TMEM132B: variants seen among roughly 807,000 people sequenced by gnomAD.
The protein encoded by TMEM132B is transmembrane protein 132B.
Under a neutral mutation model 90.8 loss-of-function variants are expected in TMEM132B, and 18 were observed. The observed-to-expected ratio is 0.20, with a 90% CI of 0.14 to 0.29. TMEM132B has a LOEUF of 0.29. TMEM132B is among the 10% of genes least tolerant of loss of function. The pLI is 1.00. For synonymous variants in TMEM132B, 504 were observed against 523.3 expected, an observed-to-expected ratio of 0.96 and a Z score of 0.50; for missense variants, 1,096 against 1,326.8, an observed-to-expected ratio of 0.83 and a Z score of 2.70.
chr12:125,376,205 A>G (rs1353420372), intron 2 of TMEM132B, among the ~76,000 whole-genome samples: 1 of 152,226 alleles, frequency 6.6e-6, no homozygotes, highest in Admixed American at 6.5e-5. Flanking sequence ...GTGTCTGGCT[A>G]CAATTCAATA....
At chr12:125,625,417 G>A (rs1270099570) in intron 5 of TMEM132B, among the ~76,000 whole-genome samples, 3 of 152,182 alleles carry the variant, frequency 2.0e-5, no homozygotes, top group African/African-American at 7.2e-5. Context: ...ACAGGCGTGA[G>A]CCACCGCGCC....
Position 125,350,134 on chromosome 12 carries a change from C to T in TMEM132B, c.750C>T (p.Gly250=), listed in dbSNP as rs1163276383. 3 of 1,614,218 alleles carry T rather than the reference C, an allele frequency of 1.9e-6. No individual in the cohort carries two copies. Among genetic ancestry groups the T allele is most frequent in the Non-Finnish European group, 1.7e-6 (2 of 1,180,036 alleles). Residue 250 remains glycine, a synonymous_variant, in exon 2 of 9, where the codon GGC becomes GGT. Transcript: ENST00000682704. Reference sequence around the variant, plus strand: ...AGTGGGAGAACAATATCCACTCGGGCCTGGAGAGCCCCCAGCAAGCGTTTC... The same window carrying T: ...AGTGGGAGAACAATATCCACTCGGGTCTGGAGAGCCCCCAGCAAGCGTTTC... ...EGKWENNIHS[G]LESPQQAFPA...
rs1230595556 is a variant in TMEM132B, at chr12:125,498,317, G to A, written c.1107-21122G>A. Among the ~76,000 whole-genome samples the A allele has an allele frequency of 6.6e-6, 1 of 152,232 alleles. No individual in the cohort carries two copies. Among genetic ancestry groups the A allele is most frequent in the Non-Finnish European group, 1.5e-5 (1 of 68,040 alleles). ...TTTCTGTTTAGCATTAGTAGGAATT[G>A]CACTGAATATGTGCAATAAATCACT... On this transcript the variant is annotated intron_variant, in intron 3 of 8. Transcript: ENST00000682704. This position sits in a 1 kb window ranked among gnomAD's most constrained non-coding sequence, Gnocchi z 4.5.
chr12:125,242,293 G>T (rs1454843985), intron 1 of TMEM132B, among the ~76,000 whole-genome samples: 1 of 152,136 alleles, frequency 6.6e-6, no homozygotes, highest in Non-Finnish European at 1.5e-5. Flanking sequence ...GAGAATAGAG[G>T]TATGTACCAC....
In TMEM132B at chr12:125,409,258, T is replaced by C. The variant is rs183465111; in HGVS notation, c.960-6273T>C. ...AAGAGGGACTGAGATAGGCATCTGG[T>C]TTCTGGAGACTTCCTCGTGTCCTGG... On this transcript the variant is annotated intron_variant, in intron 2 of 8. Transcript: ENST00000682704. Among the ~76,000 whole-genome samples, 3 of 152,238 alleles carry C rather than the reference T, an allele frequency of 2.0e-5. No homozygotes were observed. In the East Asian group the frequency reaches 5.8e-4, roughly 29 times the overall value.
chr12:125,557,364 G>T (rs1057177084), intron 4 of TMEM132B, among the ~76,000 whole-genome samples: 1 of 152,020 alleles, frequency 6.6e-6, no homozygotes. Flanking sequence ...TGCTATAGGG[G>T]TCTGCCTCCC....
At chr12:125,485,656 A>G (rs1163727738) in intron 3 of TMEM132B, among the ~76,000 whole-genome samples, 1 of 152,010 alleles carries the variant, frequency 6.6e-6, no homozygotes. Context: ...CTCATTTTAG[A>G]GCTCTTTGAA....
At chr12:125,453,853 G>A (rs1221336771) in intron 3 of TMEM132B, among the ~76,000 whole-genome samples, 1 of 152,122 alleles carries the variant, frequency 6.6e-6, no homozygotes, top group Non-Finnish European at 1.5e-5. Flanking sequence ...GCTCAGCCTG[G>A]TGTGTACCGA....
chr12:125,266,852 G>T (rs1184265296), intron 1 of TMEM132B, among the ~76,000 whole-genome samples: 3 of 152,242 alleles, frequency 2.0e-5, no homozygotes, highest in Non-Finnish European at 4.4e-5. Flanking sequence ...TGACTGCCTT[G>T]AAGTCATTTA....
chr12:125,531,116 CA>C (rs1285163895), intron 4 of TMEM132B, among the ~76,000 whole-genome samples: 3 of 152,212 alleles, frequency 2.0e-5, no homozygotes, highest in Non-Finnish European at 4.4e-5. Flanking sequence ...CTCTGCTAAT[CA>C]GGACAGGACA....
At chr12:125,573,120 G>A (rs746395894) in intron 4 of TMEM132B, among the ~76,000 whole-genome samples, 2 of 151,976 alleles carry the variant, frequency 1.3e-5, no homozygotes, top group African/African-American at 2.4e-5. Flanking sequence ...TTCTTTTATT[G>A]GAGACTGGTT....
In TMEM132B at chr12:125,223,837, C is replaced by T. The variant is rs192083523; in HGVS notation, c.67+36971C>T. The stretch of plus-strand genomic sequence containing the variant: ...AGTCTTACTCTATTGCCTAGGGTGG[C>T]GCGATCTTGGTTCACTGCAATCTCT... On this transcript the variant is annotated intron_variant, in intron 1 of 8. Transcript: ENST00000682704. Among the ~76,000 whole-genome samples, 215 of 152,080 alleles carry T rather than the reference C, an allele frequency of 1.4e-3. 1 individual carries two copies. The highest frequency in any genetic ancestry group is 5.0e-3 in the African/African-American group (208 of 41,452).
chr12:125,389,176 AG>A (rs1448623843), intron 2 of TMEM132B, among the ~76,000 whole-genome samples: 1 of 152,214 alleles, frequency 6.6e-6, no homozygotes, highest in Non-Finnish European at 1.5e-5. Flanking sequence ...ACAATAAATA[AG>A]TAAGCAAATA....
chr12:125,519,914 G>A (rs1174430070), intron 4 of TMEM132B, among the ~76,000 whole-genome samples: 1 of 152,166 alleles, frequency 6.6e-6, no homozygotes, highest in African/African-American at 2.4e-5. Flanking sequence ...GCTGCGCTGA[G>A]TGAAAACAGT....
intron 1 of TMEM132B, among the ~76,000 whole-genome samples, chr12:125,257,179 G>A (rs1283053023): frequency 6.6e-6 from 1 of 152,068 alleles, no homozygotes; most frequent in African/African-American, 2.4e-5. Context: ...GGGGATGTTC[G>A]CCTATAGTCC....
intron 1 of TMEM132B, among the ~76,000 whole-genome samples, chr12:125,195,392 G>C (rs985539775): frequency 8.4e-6 from 1 of 118,642 alleles, no homozygotes; most frequent in South Asian, 2.9e-4. Context: ...GAGGGTTTGC[G>C]GGTTTTTTTT....
chr12:125,224,602 C>G (rs888636353), intron 1 of TMEM132B, among the ~76,000 whole-genome samples: 2 of 152,208 alleles, frequency 1.3e-5, no homozygotes, highest in African/African-American at 2.4e-5. Flanking sequence ...CAGACCCTTC[C>G]CTGCCTGTCT....
intron 1 of TMEM132B, among the ~76,000 whole-genome samples, chr12:125,227,101 G>A (rs182791393): frequency 2.0e-5 from 3 of 152,284 alleles, no homozygotes; most frequent in Non-Finnish European, 2.9e-5. Context: ...AGCTCCTTGG[G>A]GTGGGTTCAC....
chr12:125,254,373 G>C (rs1485659241), intron 1 of TMEM132B, among the ~76,000 whole-genome samples: 1 of 152,204 alleles, frequency 6.6e-6, no homozygotes, highest in Non-Finnish European at 1.5e-5. Flanking sequence ...CTGATCAGGA[G>C]AACTTAAGAA....
Sources: gnomAD v4.1 joint callset for allele counts (sites outside exome capture counted in the v4.1 genomes callset) on GRCh38, gnomAD v4.1.1 for gene constraint, Gnocchi (gnomAD v3.1) non-coding constraint, MANE v1.5 for transcripts, NCBI Gene and HGNC (gene_info 2026-07-23, HGNC 2026-07-21) for gene names.